Variants in NPFFR2 observed in about 807,000 individuals in gnomAD.
The protein encoded by NPFFR2 is neuropeptide FF receptor 2.
Under a neutral mutation model 13.1 loss-of-function variants are expected in NPFFR2, and 15 were observed. The observed-to-expected ratio is 1.15, with a 90% CI of 0.77 to 1.76. NPFFR2 has a LOEUF of 1.76. Ranked by LOEUF, NPFFR2 falls within the 40% of genes most tolerant of loss-of-function variation. The pLI, the probability that NPFFR2 is intolerant of heterozygous loss-of-function variation, is 0.00. For synonymous variants in NPFFR2, 190 were observed against 175.7 expected (o/e 1.08, Z -0.65); for missense variants, 572 against 503.5 (o/e 1.14, Z -1.30).
chr4:72,104,465 T>G (rs1721356414), intron 1 of NPFFR2, among the ~76,000 whole-genome samples: 1 of 152,080 alleles, frequency 6.6e-6, no homozygotes, highest in Non-Finnish European at 1.5e-5. Context: ...CGTGAAATGT[T>G]TTTGTACATT....
At chr4:72,062,176 A>G (rs2109775596) in intron 1 of NPFFR2, among the ~76,000 whole-genome samples, 1 of 152,190 alleles carries the variant, frequency 6.6e-6, no homozygotes, top group African/African-American at 2.4e-5. Flanking sequence ...ACTAGCAGCT[A>G]GCTTATGTTT....
At chr4:72,061,687 A>G (rs1719924279) in intron 1 of NPFFR2, among the ~76,000 whole-genome samples, 1 of 152,210 alleles carries the variant, frequency 6.6e-6, no homozygotes. Context: ...ACAGGAACAG[A>G]AAACCAAACA....
intron 3 of NPFFR2, chr4:72,146,488 A>G (rs1474982769): frequency 1.3e-5 from 2 of 154,696 alleles, no homozygotes; most frequent in Non-Finnish European, 2.9e-5. Flanking sequence ...CTGAGGGATA[A>G]AAGGTTGATT....
At chr4:72,121,358 C>T (rs1170956786) in intron 1 of NPFFR2, among the ~76,000 whole-genome samples, 1 of 152,128 alleles carries the variant, frequency 6.6e-6, no homozygotes. Flanking sequence ...CTTCCCCAAC[C>T]TAGCAAGAAA....
intron 1 of NPFFR2, among the ~76,000 whole-genome samples, chr4:72,047,847 T>A (rs1719420924): frequency 6.6e-6 from 1 of 152,196 alleles, no homozygotes; most frequent in Admixed American, 6.6e-5. Context: ...CACACAAGCA[T>A]ATATGCTTCC....
intron 3 of NPFFR2, among the ~76,000 whole-genome samples, chr4:72,144,434 G>T (rs904525978): frequency 1.3e-5 from 2 of 152,134 alleles, no homozygotes; most frequent in South Asian, 4.1e-4. Context: ...CAATGTCAAA[G>T]AACTTGGAAA....
chr4:72,054,286 T>G (rs1719677158), intron 1 of NPFFR2, among the ~76,000 whole-genome samples: 1 of 151,888 alleles, frequency 6.6e-6, no homozygotes, highest in Non-Finnish European at 1.5e-5. Context: ...AGCACGGCCA[T>G]GTAGACAAAC....
chr4:72,127,095 G>C (rs548926051), intron 1 of NPFFR2, among the ~76,000 whole-genome samples: 76 of 151,680 alleles, frequency 5.0e-4, no homozygotes, highest in Admixed American at 1.4e-3. Flanking sequence ...GAGGTCAGGA[G>C]ATCCAGACCA....
intron 1 of NPFFR2, among the ~76,000 whole-genome samples, chr4:72,038,901 CTTTCT>C (rs1249069329): frequency 6.9e-5 from 6 of 86,914 alleles, no homozygotes; most frequent in Non-Finnish European, 1.1e-4. Flanking sequence ...TTTAAATTTC[CTTTCT>C]TTTTTTTTTT....
At chr4:72,127,934 G>A (rs1722111710) in intron 1 of NPFFR2, among the ~76,000 whole-genome samples, 1 of 151,964 alleles carries the variant, frequency 6.6e-6, no homozygotes, top group South Asian at 2.1e-4. Context: ...ACAAAAATTA[G>A]CTGGTCATGA....
intron 1 of NPFFR2, among the ~76,000 whole-genome samples, chr4:72,063,990 A>C (rs1005292846): frequency 1.3e-5 from 2 of 152,344 alleles, no homozygotes; most frequent in East Asian, 1.9e-4. Flanking sequence ...TTAGGAAAAA[A>C]GGATGACAGT....
At chr4:72,064,395 C>T (rs1264454415) in intron 1 of NPFFR2, among the ~76,000 whole-genome samples, 2 of 152,192 alleles carry the variant, frequency 1.3e-5, no homozygotes, top group African/African-American at 4.8e-5. Flanking sequence ...CCCTCAGTTC[C>T]CTGCCACCCT....
At chr4:72,043,569 A>G (rs1719294085) in intron 1 of NPFFR2, among the ~76,000 whole-genome samples, 1 of 152,232 alleles carries the variant, frequency 6.6e-6, no homozygotes. Context: ...TGGAACCAAA[A>G]GAGATCATTT....
intron 1 of NPFFR2, among the ~76,000 whole-genome samples, chr4:72,120,750 T>C (rs996969271): frequency 1.3e-5 from 2 of 152,070 alleles, no homozygotes; most frequent in Admixed American, 1.3e-4. Context: ...ACCCCATCCA[T>C]AGGTCACCAA....
intron 1 of NPFFR2, among the ~76,000 whole-genome samples, chr4:72,125,309 A>G (rs1404755484): frequency 6.6e-6 from 1 of 152,242 alleles, no homozygotes; most frequent in Non-Finnish European, 1.5e-5. Context: ...AGAAAAGGGA[A>G]TGCTTTTACA....
At chr4:72,049,145 C>G (rs1719469123) in intron 1 of NPFFR2, among the ~76,000 whole-genome samples, 1 of 151,962 alleles carries the variant, frequency 6.6e-6, no homozygotes, top group African/African-American at 2.4e-5. Context: ...ATAATAAAGA[C>G]AAAACTTTAA....
At chr4:72,117,410 A>G (rs1721744543) in intron 1 of NPFFR2, among the ~76,000 whole-genome samples, 1 of 152,186 alleles carries the variant, frequency 6.6e-6, no homozygotes, top group Admixed American at 6.5e-5. Context: ...AAGAGGTTTC[A>G]TCTTTAGAGT....
chr4:72,052,859 G>A (rs193295528), intron 1 of NPFFR2, among the ~76,000 whole-genome samples: 1 of 152,034 alleles, frequency 6.6e-6, no homozygotes, highest in East Asian at 1.9e-4. Context: ...ATCTTAAGCA[G>A]ACACTCCTTT....
intron 1 of NPFFR2, among the ~76,000 whole-genome samples, chr4:72,045,824 A>C: frequency 6.6e-6 from 1 of 152,220 alleles, no homozygotes; most frequent in Non-Finnish European, 1.5e-5. Context: ...ATGATCATAA[A>C]GTAGAAAAAT....
Sources: gnomAD v4.1 joint callset for allele counts (sites outside exome capture counted in the v4.1 genomes callset) on GRCh38, gnomAD v4.1.1 for gene constraint, MANE v1.5 for transcripts, NCBI Gene and HGNC (gene_info 2026-07-23, HGNC 2026-07-21) for gene names.